ASTN2: variants seen among roughly 807,000 people sequenced by gnomAD.
ASTN2 encodes astrotactin-2.
A neutral mutation model predicts 139.8 loss-of-function variants in ASTN2; 54 were observed. The observed-to-expected ratio is 0.39, with a 90% CI of 0.31 to 0.48. The LOEUF (loss-of-function observed/expected upper bound fraction) is 0.48. Among genes scored for constraint, ASTN2 ranks in the 20% least tolerant of loss-of-function variants. ASTN2 has a pLI of 0.95. For synonymous variants in ASTN2, 756 were observed against 719.5 expected, an observed-to-expected ratio of 1.05 and a Z score of -0.81; for missense variants, 1,565 against 1,725.1, an observed-to-expected ratio of 0.91 and a Z score of 1.64.
At chr9:116,467,839 T>C (rs1279145353) in intron 20 of ASTN2, among the ~76,000 whole-genome samples, 1 of 152,196 alleles carries the variant, frequency 6.6e-6, no homozygotes. Flanking sequence ...GGGTAGGTAG[T>C]TGTTATCATT....
intron 20 of ASTN2, among the ~76,000 whole-genome samples, chr9:116,468,712 G>A (rs947468978): frequency 1.1e-4 from 16 of 152,252 alleles, no homozygotes; most frequent in Admixed American, 9.8e-4. Flanking sequence ...CTGAGCAGCC[G>A]GCTCATGACC....
chr9:116,970,488 C>T lies in ASTN2; in HGVS notation c.1889+4720G>A, dbSNP rs575758380. On this transcript the variant is annotated intron_variant, in intron 10 of 22. Coordinates refer to ENST00000313400, the MANE Select transcript of ASTN2 (RefSeq NM_001365068.1). ...CTCTGACTTTGTGTCTTTTTTCTGC[C>T]TTGAACTTTCCCTCTATTCTTCTTC... Among the ~76,000 whole-genome samples, 12 of 152,258 alleles carry T rather than the reference C, an allele frequency of 7.9e-5. No homozygotes were observed. In the South Asian group the frequency reaches 2.5e-3, roughly 32 times the overall value.
At chr9:116,665,482 T>C (rs189220771) in intron 16 of ASTN2, among the ~76,000 whole-genome samples, 150 of 152,324 alleles carry the variant, frequency 9.8e-4, no homozygotes, top group African/African-American at 3.4e-3. Context: ...TTCATAGCTC[T>C]GCCTACTGAA....
chr9:117,078,799 G>C (rs1300583845), intron 5 of ASTN2, among the ~76,000 whole-genome samples: 2 of 152,088 alleles, frequency 1.3e-5, no homozygotes, highest in African/African-American at 4.8e-5. Context: ...GCAGTGGCAC[G>C]ACTTTGGCTC....
chr9:116,854,951 C>T (rs921911997), intron 11 of ASTN2, among the ~76,000 whole-genome samples: 3 of 150,578 alleles, frequency 2.0e-5, no homozygotes, highest in Non-Finnish European at 2.9e-5. Flanking sequence ...CGCGCCCGGC[C>T]TCCCTTCTCA....
At chr9:117,217,066 C>T (rs369362778) in intron 2 of ASTN2, among the ~76,000 whole-genome samples, 81 of 152,194 alleles carry the variant, frequency 5.3e-4, no homozygotes, top group Admixed American at 2.4e-3. Context: ...CCCCAGCTCC[C>T]CATTTCACAG....
chr9:117,038,313 A>T (rs372801161), intron 6 of ASTN2, among the ~76,000 whole-genome samples: 24 of 152,328 alleles, frequency 1.6e-4, no homozygotes, highest in African/African-American at 5.8e-4. Flanking sequence ...ATCAAAATGC[A>T]AAATTTTTTT....
intron 16 of ASTN2, among the ~76,000 whole-genome samples, chr9:116,672,596 C>A (rs1430949093): frequency 1.3e-5 from 2 of 152,070 alleles, no homozygotes; most frequent in African/African-American, 4.8e-5. Flanking sequence ...TATTCTTTAC[C>A]AGGTGGTGCC....
intron 2 of ASTN2, among the ~76,000 whole-genome samples, chr9:117,284,754 C>A (rs916076511): frequency 6.6e-6 from 1 of 152,134 alleles, no homozygotes; most frequent in Non-Finnish European, 1.5e-5. Context: ...AGCATATGTG[C>A]TTTATATCTA....
intron 1 of ASTN2, among the ~76,000 whole-genome samples, chr9:117,338,522 C>A (rs1828963922): frequency 6.6e-6 from 1 of 152,142 alleles, no homozygotes; most frequent in Non-Finnish European, 1.5e-5. Flanking sequence ...AAGGTCCTTT[C>A]TCTAAGGAGC....
chr9:117,146,100 A>G (rs1428057152), intron 3 of ASTN2, among the ~76,000 whole-genome samples: 1 of 151,870 alleles, frequency 6.6e-6, no homozygotes, highest in Non-Finnish European at 1.5e-5. Context: ...TCCATGGCCA[A>G]TTTCATCCTG....
chr9:116,983,063 C>A (rs1430477618), intron 7 of ASTN2, among the ~76,000 whole-genome samples: 2 of 152,212 alleles, frequency 1.3e-5, no homozygotes, highest in African/African-American at 4.8e-5. Context: ...TTTTCACTTG[C>A]TTCTAACTCA....
At chr9:117,032,068 TGTAACA>T (rs144081495) in intron 6 of ASTN2, among the ~76,000 whole-genome samples, 1,819 of 152,260 alleles carry the variant, frequency 0.012, 29 homozygotes, top group African/African-American at 0.039. Context: ...ATGACACATA[TGTAACA>T]GTAACAGTAA....
At chr9:117,237,852 C>T (rs1046015561) in intron 2 of ASTN2, among the ~76,000 whole-genome samples, 1 of 152,148 alleles carries the variant, frequency 6.6e-6, no homozygotes, top group Non-Finnish European at 1.5e-5. Context: ...CCCAGTGGGC[C>T]CAGGCCCCAT....
At chr9:116,903,774 T>A (rs1834082777) in intron 10 of ASTN2, among the ~76,000 whole-genome samples, 2 of 152,180 alleles carry the variant, frequency 1.3e-5, no homozygotes, top group Non-Finnish European at 2.9e-5. Context: ...TTTGTTTTTT[T>A]CCATGCAGAG....
intron 2 of ASTN2, among the ~76,000 whole-genome samples, chr9:117,238,901 G>A (rs913929336): frequency 4.6e-5 from 7 of 152,202 alleles, no homozygotes; most frequent in African/African-American, 1.4e-4. Context: ...AAAATGGGTG[G>A]AGGGAAATAA....
At chr9:117,100,738 A>C (rs1354387677) in intron 4 of ASTN2, among the ~76,000 whole-genome samples, 1 of 152,234 alleles carries the variant, frequency 6.6e-6, no homozygotes, top group African/African-American at 2.4e-5. Context: ...CAATCTTAAA[A>C]AACAATTTGG....
intron 10 of ASTN2, among the ~76,000 whole-genome samples, chr9:116,934,319 A>G (rs1411915491): frequency 2.0e-5 from 3 of 152,076 alleles, no homozygotes; most frequent in Admixed American, 1.3e-4. Context: ...CCCCATCAGG[A>G]GCAATGCCAG....
chr9:116,597,082 G>A (rs962462796), intron 19 of ASTN2, among the ~76,000 whole-genome samples: 1 of 125,240 alleles, frequency 8.0e-6, no homozygotes, highest in African/African-American at 2.6e-5. Context: ...TCTCAAGGAT[G>A]GTTATATTTT....
Sources: allele counts gnomAD v4.1 joint callset (sites outside exome capture counted in the v4.1 genomes callset), GRCh38; gene constraint gnomAD v4.1.1; transcripts MANE v1.5; gene names NCBI Gene and HGNC (gene_info 2026-07-23, HGNC 2026-07-21).